YTHDC2: variants seen among roughly 807,000 people sequenced by gnomAD.
YTHDC2 encodes 3'-5' RNA helicase YTHDC2.
A neutral mutation model predicts 174.9 loss-of-function variants in YTHDC2; 45 were observed. That is an observed-to-expected ratio of 0.26 (90% CI 0.20 to 0.33). YTHDC2 has a LOEUF of 0.33. YTHDC2 is among the 10% of genes least tolerant of loss of function. The probability of loss-of-function intolerance (pLI) is 1.00; values close to 1 mark genes in which losing one functional copy is unlikely to be tolerated. For synonymous variants in YTHDC2, 657 were observed against 574.5 expected, an observed-to-expected ratio of 1.14 and a Z score of -2.05; for missense variants, 1,650 against 1,723.7, an observed-to-expected ratio of 0.96 and a Z score of 0.76.
At chr5:113,567,907 TAATG>T in intron 23 of YTHDC2, 58 bp downstream of exon 23, 1 of 1,303,830 alleles carries the variant, frequency 7.7e-7, no homozygotes, top group Non-Finnish European at 1.0e-6. Context: ...TTTTACCAAA[TAATG>T]AAATTATTTT....
chr5:113,532,305 A>C (rs920715815), intron 4 of YTHDC2, among the ~76,000 whole-genome samples: 1 of 152,180 alleles, frequency 6.6e-6, no homozygotes. Context: ...CATAAGTAAC[A>C]GTAGTTACTT....
rs568080336 is a variant in YTHDC2, at chr5:113,588,691, C to G, written c.3826-2350C>G. Among the ~76,000 whole-genome samples the G allele has an allele frequency of 7.9e-5, 12 of 151,792 alleles. No homozygotes were observed. The East Asian group carries it at 2.3e-3, about 29-fold the overall frequency. On this transcript the variant is annotated intron_variant, in intron 26 of 29. Coordinates refer to ENST00000161863, the MANE Select transcript of YTHDC2 (RefSeq NM_022828.5). ...AGGCTGGAGTGCAGTGGCGCGATCTCGGCTCACTACAAGCTCAGCCTCCTG... is the reference window on the plus strand; with the variant it reads ...AGGCTGGAGTGCAGTGGCGCGATCTGGGCTCACTACAAGCTCAGCCTCCTG...
chr5:113,514,278 G>A (rs1294492105), intron 1 of YTHDC2, 196 bp downstream of exon 1: 1 of 727,480 alleles, frequency 1.4e-6, no homozygotes, highest in East Asian at 2.7e-5. Flanking sequence ...AATGCGAGGT[G>A]CTCTGCGGAT....
intron 6 of YTHDC2, among the ~76,000 whole-genome samples, chr5:113,535,316 A>C (rs2112591493): frequency 6.6e-6 from 1 of 152,238 alleles, no homozygotes; most frequent in South Asian, 2.1e-4. Context: ...AAGTATATGG[A>C]AGGATTTGCA....
chr5:113,569,033 T>C (rs1337264377), intron 23 of YTHDC2, among the ~76,000 whole-genome samples: 1 of 152,154 alleles, frequency 6.6e-6, no homozygotes, highest in Non-Finnish European at 1.5e-5. Context: ...AGCATGTTGT[T>C]TTTTGACTTT....
intron 3 of YTHDC2, among the ~76,000 whole-genome samples, chr5:113,526,126 A>G (rs1301505277): frequency 6.6e-6 from 1 of 151,920 alleles, no homozygotes; most frequent in African/African-American, 2.4e-5. Flanking sequence ...TTTTTTTGTA[A>G]TATGTTTTCG....
chr5:113,539,116 A>G lies in YTHDC2; in HGVS notation c.1145A>G (p.Asp382Gly), dbSNP rs765330273. ...PFEVKEMFLEDILRTTGYTNK... is the reference protein window; with the variant it reads ...PFEVKEMFLEGILRTTGYTNK... ...GAAGTAAAAGAAATGTTTCTGGAAG[A>G]TATTTTAAGAACAACTGGATATACA... Residue 382 changes from aspartate (D) to glycine (G), a missense_variant, in exon 8 of 30, where the codon GAT becomes GGT. Physicochemically the swap from Asp to Gly is moderately conservative, Grantham distance 94. Around this residue, in one of 5 missense-constraint regions of YTHDC2, gnomAD observed 411 missense variants for 380.6 expected, o/e 1.08. Transcript: ENST00000161863. 39 of 1,444,474 alleles carry G rather than the reference A, an allele frequency of 2.7e-5. No homozygotes were observed. In the East Asian group the frequency reaches 9.2e-4, roughly 34 times the overall value. 89.5% of individuals were successfully genotyped at this position (1,444,474 alleles called of 1,614,324 possible). A position where few individuals can be genotyped will look rare whatever the true frequency, so the allele number is the denominator to read the frequency against.
chr5:113,547,894 T>C (rs1484285433), intron 10 of YTHDC2, among the ~76,000 whole-genome samples: 3 of 152,168 alleles, frequency 2.0e-5, no homozygotes, highest in Non-Finnish European at 4.4e-5. Context: ...ATTTTGTAAT[T>C]TAAGCAAATT....
intron 2 of YTHDC2, among the ~76,000 whole-genome samples, chr5:113,517,396 A>C (rs1173650141): frequency 6.6e-6 from 1 of 152,212 alleles, no homozygotes; most frequent in Admixed American, 6.5e-5. Flanking sequence ...TGGGTCTTGC[A>C]TTCTAAACAG....
At chr5:113,588,724 G>A (rs1260621888) in intron 26 of YTHDC2, among the ~76,000 whole-genome samples, 2 of 151,804 alleles carry the variant, frequency 1.3e-5, no homozygotes, top group East Asian at 1.9e-4. Context: ...CTGGGTTCAC[G>A]CCATTTTCCT....
rs952494680 is a variant in YTHDC2 at position 113,593,481 on chromosome 5, G to C, written c.*8-1G>C. The C allele has an allele frequency of 6.7e-6, 7 of 1,046,778 alleles. No individual in the cohort carries two copies. The highest frequency in any genetic ancestry group is 2.2e-5 in the Admixed American group (1 of 44,764). The allele number at this position is 1,046,778 out of a possible 1,614,324, so 64.8% of individuals were successfully genotyped here. A position where few individuals can be genotyped will look rare whatever the true frequency, so the allele number is the denominator to read the frequency against. On this transcript the variant is annotated splice_acceptor_variant, in intron 29 of 29. Coordinates refer to ENST00000161863, the MANE Select transcript of YTHDC2 (RefSeq NM_022828.5). LOFTEE classifies it low-confidence loss of function (3UTR_SPLICE). Reference sequence around the variant, plus strand: ...ATCTTTTTTTTTCCCCTTTCTTCTAGAACTCTTAGCTGTGGAAGAACATCA... The same window carrying C: ...ATCTTTTTTTTTCCCCTTTCTTCTACAACTCTTAGCTGTGGAAGAACATCA...
chr5:113,585,285 A>G (rs961113647), intron 26 of YTHDC2, among the ~76,000 whole-genome samples: 1 of 152,130 alleles, frequency 6.6e-6, no homozygotes, highest in African/African-American at 2.4e-5. Flanking sequence ...AACTTGTAAT[A>G]AGAATAATTT....
rs1774912400 is a variant in YTHDC2 at position 113,534,400 on chromosome 5, T to G, written c.938T>G (p.Val313Gly). The G allele has an allele frequency of 6.2e-7, 1 of 1,610,724 alleles. No homozygotes were observed. The highest frequency in any genetic ancestry group is 1.3e-5 in the African/African-American group (1 of 74,874). The change falls in exon 6 of 30, where the codon GTT becomes GGT. Residue 313 changes from valine (V) to glycine (G), a missense_variant. Val to Gly is a moderately radical substitution (Grantham distance 109). Around this residue, in one of 5 missense-constraint regions of YTHDC2, gnomAD observed 411 missense variants for 380.6 expected, o/e 1.08. Transcript: ENST00000161863. ...AGTACGTTGTCGACTGTGACACATG[T>G]TATCGTGGTAAGAATATTGCTGAAT... is the stretch of plus-strand genomic sequence containing the variant. Reference protein sequence around the residue: ...GDSTLSTVTHVIVDEVHERDR... With the variant: ...GDSTLSTVTHGIVDEVHERDR...
chr5:113,520,308 C>T (rs576071322), intron 2 of YTHDC2, among the ~76,000 whole-genome samples: 2 of 152,234 alleles, frequency 1.3e-5, no homozygotes, highest in Non-Finnish European at 2.9e-5. Flanking sequence ...AAGAGAGGGA[C>T]ACCTCCTGTT....
chr5:113,561,323 T>G (rs1561674597), intron 18 of YTHDC2, 138 bp downstream of exon 18: 2 of 499,984 alleles, frequency 4.0e-6, no homozygotes, highest in Non-Finnish European at 6.7e-6. Context: ...AGGGTGGCTA[T>G]GTCTATAACA....
At chr5:113,537,286 C>T (rs141395311) in intron 7 of YTHDC2, among the ~76,000 whole-genome samples, 10 of 151,214 alleles carry the variant, frequency 6.6e-5, no homozygotes, top group African/African-American at 2.2e-4. Flanking sequence ...AACCTAATTG[C>T]CAATCTGATA....
At chr5:113,533,813 A>G (rs577285322) in intron 5 of YTHDC2, among the ~76,000 whole-genome samples, 2 of 152,186 alleles carry the variant, frequency 1.3e-5, no homozygotes, top group South Asian at 2.1e-4. Flanking sequence ...CTCAAAGGAA[A>G]TGTTCATCAG....
chr5:113,523,464 C>G (rs1774008888), intron 2 of YTHDC2, among the ~76,000 whole-genome samples: 1 of 152,056 alleles, frequency 6.6e-6, no homozygotes, highest in African/African-American at 2.4e-5. Context: ...TCTATAATGA[C>G]TGTCCTTTAG....
intron 26 of YTHDC2, among the ~76,000 whole-genome samples, chr5:113,585,618 A>G (rs1476425360): frequency 6.6e-6 from 1 of 151,650 alleles, no homozygotes; most frequent in African/African-American, 2.4e-5. Context: ...CTGGTAACCC[A>G]CTGTTCTGCT....
Sources: gnomAD v4.1 joint callset for allele counts (sites outside exome capture counted in the v4.1 genomes callset) on GRCh38, gnomAD v4.1.1 for gene constraint, gnomAD v4.1.1 regional missense constraint, MANE v1.5 for transcripts, NCBI Gene and HGNC (gene_info 2026-07-23, HGNC 2026-07-21) for gene names.